The following COPA variants were observed in gnomAD, a reference collection of about 807,000 sequenced individuals.
The protein encoded by COPA is coatomer subunit alpha.
COPA carries 10 observed loss-of-function variants against 158.7 expected under a neutral mutation model. The ratio of observed to expected loss-of-function variants is 0.06; its 90% CI spans 0.04 to 0.11. The LOEUF is 0.11. Among genes scored for constraint, COPA ranks in the 10% least tolerant of loss-of-function variants. The pLI, the probability that COPA is intolerant of heterozygous loss-of-function variation, is 1.00. For synonymous variants in COPA, 462 were observed against 542.8 expected (o/e 0.85, Z 2.07); for missense variants, 1,065 against 1,536.7 (o/e 0.69, Z 5.13).
intron 4 of COPA, among the ~76,000 whole-genome samples, chr1:160,334,853 G>A (rs905805093): frequency 1.3e-5 from 2 of 152,128 alleles, no homozygotes; most frequent in Non-Finnish European, 2.9e-5. Context: ...TTAATACTTC[G>A]AAACGTTTGT....
intron 17 of COPA, chr1:160,305,154 A>C: frequency 3.8e-6 from 1 of 263,766 alleles, no homozygotes; most frequent in Non-Finnish European, 7.2e-6. Context: ...GGGTGCCGGA[A>C]CTGTTCTATT....
At chr1:160,327,440 G>A (rs1399464332) in intron 6 of COPA, among the ~76,000 whole-genome samples, 4 of 151,368 alleles carry the variant, frequency 2.6e-5, no homozygotes, top group Non-Finnish European at 5.9e-5. Flanking sequence ...GGGAGGCTGA[G>A]GCAGGGGAAT....
In COPA at chr1:160,293,577, C is replaced by T. The variant is rs1658311814; in HGVS notation, c.2677-114G>A. 3.9e-6 allele frequency: 3 copies of T among 770,082 alleles called. No homozygotes were observed. The Admixed American group carries it at 9.6e-5, about 25-fold the overall frequency. The allele number at this position is 770,082 out of a possible 1,614,324, so 47.7% of individuals were successfully genotyped here. A position where few individuals can be genotyped will look rare whatever the true frequency, so the allele number is the denominator to read the frequency against. ...AGGCATGATCTCGGCACACTGCAAC[C>T]TCTGCCTCCCATGCTCAAGCAATCC... On this transcript the variant is annotated intron_variant, in intron 25 of 32. Coordinates refer to ENST00000241704, the MANE Select transcript of COPA (RefSeq NM_004371.4).
chr1:160,342,865 G>T (rs183932181), intron 1 of COPA, among the ~76,000 whole-genome samples: 76 of 152,264 alleles, frequency 5.0e-4, no homozygotes, highest in Non-Finnish European at 8.7e-4. Flanking sequence ...AAGAGAGAAA[G>T]GGGGAAGAAA....
intron 17 of COPA, among the ~76,000 whole-genome samples, chr1:160,302,510 G>A (rs1304417618): frequency 6.7e-6 from 1 of 148,594 alleles, no homozygotes; most frequent in Non-Finnish European, 1.5e-5. Flanking sequence ...AATTCCAAAC[G>A]AAACCACAAA....
At chr1:160,338,779 C>A (rs999242180) in intron 3 of COPA, among the ~76,000 whole-genome samples, 6 of 152,274 alleles carry the variant, frequency 3.9e-5, no homozygotes, top group Non-Finnish European at 7.4e-5. Context: ...TCATCTCGAA[C>A]CCCTCGAATC....
intron 17 of COPA, among the ~76,000 whole-genome samples, chr1:160,301,913 A>C (rs1237510346): frequency 2.0e-5 from 3 of 152,116 alleles, no homozygotes; most frequent in African/African-American, 7.2e-5. Flanking sequence ...GAAAAGGGAT[A>C]TACATTTTAA....
intron 8 of COPA, among the ~76,000 whole-genome samples, chr1:160,314,504 G>A (rs1023546167): frequency 6.6e-6 from 1 of 152,074 alleles, no homozygotes; most frequent in Admixed American, 6.6e-5. Flanking sequence ...TGTGGCGCAC[G>A]TTTGTAGTCC....
At chr1:160,308,199 T>TG (rs5778157) in intron 13 of COPA, among the ~76,000 whole-genome samples, 151,862 of 152,112 alleles carry the variant, frequency 1, 75,806 homozygotes, top group Middle Eastern at 1. Context: ...AGCAAAGAGC[T>TG]AGTTGGGAGG....
chr1:160,300,264 C>T (rs11265372), intron 17 of COPA, among the ~76,000 whole-genome samples: 69,237 of 151,158 alleles, frequency 0.46, 16,207 homozygotes, highest in South Asian at 0.61. Context: ...CACTTGAACC[C>T]GAGAGACGGA....
intron 12 of COPA, among the ~76,000 whole-genome samples, chr1:160,309,742 CT>C (rs10714948): frequency 0.45 from 59,484 of 131,090 alleles, 11,578 homozygotes; most frequent in East Asian, 0.63. Context: ...AATGTCATTT[CT>C]TTTTTTTTTT....
At position 160,288,668 on chromosome 1, in the gene COPA, C is replaced by A; in HGVS notation, c.*1489G>T. Among the ~76,000 whole-genome samples the A allele has an allele frequency of 6.6e-6, 1 of 152,004 alleles. No homozygotes were observed. Among genetic ancestry groups the A allele is most frequent in the Non-Finnish European group, 1.5e-5 (1 of 68,000 alleles). ...CACGCAAAAAAGTACTTATTTTAAT[C>A]GAAGGCACAGTAATGTCACTCTACC... On this transcript the variant is annotated 3_prime_UTR_variant, in exon 33 of 33. Transcript: ENST00000241704.
chr1:160,328,014 G>A (rs1385019824), intron 6 of COPA, among the ~76,000 whole-genome samples: 2 of 152,180 alleles, frequency 1.3e-5, no homozygotes, highest in African/African-American at 2.4e-5. Flanking sequence ...TAACACTGGA[G>A]AAGCAAGAGC....
At chr1:160,295,633 T>C in intron 23 of COPA, 103 bp downstream of exon 23, 1 of 1,184,352 alleles carries the variant, frequency 8.4e-7, no homozygotes, top group Non-Finnish European at 1.1e-6. Flanking sequence ...TTAGGCTCCA[T>C]GCAGAAAAAA....
rs1658134048 is a variant in COPA at position 160,289,123 on chromosome 1, C to T, written c.*1034G>A. On this transcript the variant is annotated 3_prime_UTR_variant, in exon 33 of 33. Transcript: ENST00000241704. ...TAGCTGGGATTACAGGCACCCACCACCATGCCCGGCTAGCTTTTTTTTTTT... is the reference window on the plus strand; with the variant it reads ...TAGCTGGGATTACAGGCACCCACCATCATGCCCGGCTAGCTTTTTTTTTTT... 6.6e-6 allele frequency: 1 copy of T among 151,574 alleles called. No individual in the cohort carries two copies. Among genetic ancestry groups the T allele is most frequent in the Non-Finnish European group, 1.5e-5 (1 of 67,984 alleles). 9.4% of individuals were successfully genotyped at this position (151,574 alleles called of 1,614,324 possible). A position where few individuals can be genotyped will look rare whatever the true frequency, so the allele number is the denominator to read the frequency against.
At chr1:160,290,960 G>A (rs1557859173) in intron 31 of COPA, among the ~76,000 whole-genome samples, 1 of 152,146 alleles carries the variant, frequency 6.6e-6, no homozygotes, top group Non-Finnish European at 1.5e-5. Flanking sequence ...TCCTAGAAAG[G>A]GTTAAAACAG....
intron 6 of COPA, among the ~76,000 whole-genome samples, chr1:160,326,507 T>C (rs1272392571): frequency 1.3e-5 from 2 of 152,074 alleles, no homozygotes; most frequent in African/African-American, 2.4e-5. Context: ...CCAGCCTGGG[T>C]GACATTGAGA....
In COPA at chr1:160,314,102, T is replaced by C; in HGVS notation, c.730A>G (p.Thr244Ala). The change falls in exon 9 of 33, where the codon ACC (threonine) becomes GCC (alanine). Residue 244 changes from threonine to alanine, a missense_variant. Coordinates refer to ENST00000241704, the MANE Select transcript of COPA (RefSeq NM_004371.4). ...MNESKAWEVD[T>A]CRGHYNNVSC... ...ACATTGTTGTAATGGCCCCGGCAGG[T>C]ATCAACCTCCCATGCCTTTGATTCT... is the stretch of plus-strand genomic sequence containing the variant. 1 of 1,613,476 alleles carries C rather than the reference T, an allele frequency of 6.2e-7. No individual in the cohort carries two copies. Among genetic ancestry groups the C allele is most frequent in the South Asian group, 1.1e-5 (1 of 90,986 alleles).
chr1:160,316,548 T>C (rs1011604742), intron 8 of COPA, among the ~76,000 whole-genome samples: 1 of 151,750 alleles, frequency 6.6e-6, no homozygotes, highest in Admixed American at 6.6e-5. Context: ...GTCAGGAGTT[T>C]GCAACCACCC....
Sources: gnomAD v4.1 joint callset for allele counts (sites outside exome capture counted in the v4.1 genomes callset) on GRCh38, gnomAD v4.1.1 for gene constraint, MANE v1.5 for transcripts, NCBI Gene and HGNC (gene_info 2026-07-23, HGNC 2026-07-21) for gene names.